TRIM37: variants seen among roughly 807,000 people sequenced by gnomAD.
The protein encoded by TRIM37 is E3 ubiquitin-protein ligase TRIM37.
Under a neutral mutation model 129.8 loss-of-function variants are expected in TRIM37, and 80 were observed. The ratio of observed to expected loss-of-function variants is 0.62; its 90% CI spans 0.51 to 0.74. TRIM37 has a LOEUF of 0.74. TRIM37 is among the 30% of genes least tolerant of loss of function. TRIM37 has a pLI of 0.00. For synonymous variants in TRIM37, 389 were observed against 387.1 expected, an observed-to-expected ratio of 1.00 and a Z score of -0.06; for missense variants, 1,054 against 1,176.5, an observed-to-expected ratio of 0.90 and a Z score of 1.52.
At chr17:58,988,347 A>G (rs537277102) in intron 24 of TRIM37, among the ~76,000 whole-genome samples, 2 of 152,246 alleles carry the variant, frequency 1.3e-5, no homozygotes, top group East Asian at 1.9e-4. Flanking sequence ...GGGCATGGGT[A>G]AAGGAACTTA....
chr17:59,021,602 C>T (rs2036610162), intron 19 of TRIM37, among the ~76,000 whole-genome samples: 2 of 151,968 alleles, frequency 1.3e-5, no homozygotes, highest in African/African-American at 4.8e-5. Context: ...CAAGATAATA[C>T]AGCAATGGTT....
In TRIM37 at chr17:59,047,763, AT is replaced by A; in HGVS notation, c.1586del (p.Asn529IlefsTer41). ...DLDLVYEDEVNQLDGSSSSAS... is the reference protein window; with the variant it reads ...DLDLVYEDEVXQLDGSSSSAS... ...CAGAGGAACTGCTGCCATCGAGCTG[AT>A]TTACTTCATCCTCATAAACAAGATC... On this transcript the variant is annotated frameshift_variant, in exon 16 of 24. Transcript: ENST00000262294. LOFTEE classifies it high-confidence loss of function. 6.2e-7 allele frequency: 1 copy of A among 1,614,042 alleles called. No individual in the cohort carries two copies. The highest frequency in any genetic ancestry group is 1.1e-5 in the South Asian group (1 of 91,080).
intron 24 of TRIM37, among the ~76,000 whole-genome samples, chr17:58,986,669 C>T (rs544853742): frequency 7.9e-5 from 12 of 152,122 alleles, no homozygotes; most frequent in East Asian, 7.8e-4. Context: ...TCGGCCACCA[C>T]GCCTGGCTTT....
At chr17:58,981,604 CAT>C (rs2031360295), downstream of TRIM37, 4 of 152,650 alleles carry the variant, frequency 2.6e-5, no homozygotes, top group South Asian at 8.3e-4. Flanking sequence ...GTAAAAGTGT[CAT>C]ATTCTCAGAC....
intron 17 of TRIM37, among the ~76,000 whole-genome samples, chr17:59,041,152 C>T (rs2039110401): frequency 6.6e-6 from 1 of 152,018 alleles, no homozygotes; most frequent in South Asian, 2.1e-4. Flanking sequence ...CCAAGATTCA[C>T]TACTTAATTA....
At chr17:59,000,759 T>C (rs1442737466) in intron 23 of TRIM37, among the ~76,000 whole-genome samples, 1 of 152,208 alleles carries the variant, frequency 6.6e-6, no homozygotes, top group African/African-American at 2.4e-5. Context: ...GTTATTTTTA[T>C]TTTAAAAGGT....
At chr17:58,980,923 G>A (rs373100347), downstream of TRIM37, 36 of 1,614,046 alleles carry the variant, frequency 2.2e-5, no homozygotes, top group Non-Finnish European at 3.1e-5. The surrounding 1 kb of genome is among the most constrained non-coding windows in gnomAD (Gnocchi z 4.7). Context: ...GAAGTTCTCT[G>A]CCATGGAGGC....
At chr17:59,070,431 T>C (rs1426658674) in intron 9 of TRIM37, among the ~76,000 whole-genome samples, 1 of 152,182 alleles carries the variant, frequency 6.6e-6, no homozygotes, top group Non-Finnish European at 1.5e-5. Context: ...CTACGGAAGA[T>C]GGAGCTCTTG....
At chr17:59,097,309 A>G (rs1438365721) in intron 2 of TRIM37, among the ~76,000 whole-genome samples, 1 of 152,220 alleles carries the variant, frequency 6.6e-6, no homozygotes, top group African/African-American at 2.4e-5. Flanking sequence ...GGCAAGATAA[A>G]GAAATAAAAA....
intron 2 of TRIM37, among the ~76,000 whole-genome samples, chr17:59,096,199 G>A (rs1037817532): frequency 8.4e-4 from 127 of 151,828 alleles, no homozygotes; most frequent in African/African-American, 2.9e-3. Context: ...AACTAAATAA[G>A]CCAGATGGTA....
rs1215883324 is a variant in TRIM37, at chr17:59,012,384, T to C, written c.2639A>G (p.Glu880Gly). ...TAGTACAGGCTGTAACTCTCCAGTT[T>C]CAGAATTATTTTCCAAATCAGTCAT... is the stretch of plus-strand genomic sequence containing the variant. ...LQMTDLENNS[E>G]TGELQPVLPE... Residue 880 changes from glutamate to glycine, a missense_variant, in exon 22 of 24, where the codon GAA (glutamate) becomes GGA (glycine). Coordinates refer to ENST00000262294, the MANE Select transcript of TRIM37 (RefSeq NM_015294.6). The C allele has an allele frequency of 2.5e-6, 4 of 1,613,142 alleles. No homozygotes were observed. The highest frequency in any genetic ancestry group is 2.7e-5 in the African/African-American group (2 of 75,040).
chr17:58,986,944 T>C (rs1719817646), intron 24 of TRIM37, among the ~76,000 whole-genome samples: 1 of 152,216 alleles, frequency 6.6e-6, no homozygotes, highest in African/African-American at 2.4e-5. Flanking sequence ...CATTCTTTTC[T>C]GAGAGCCCCA....
intron 24 of TRIM37, chr17:58,982,933 A>T: frequency 6.4e-7 from 1 of 1,574,286 alleles, no homozygotes; most frequent in Non-Finnish European, 8.6e-7. Context: ...TAAGAAAACA[A>T]GAAAACAAAG....
Position 59,101,575 on chromosome 17 carries a change from T to C in TRIM37, c.123+2718A>G, listed in dbSNP as rs938171890. Among the ~76,000 whole-genome samples the C allele has an allele frequency of 2.0e-5, 3 of 147,314 alleles. No homozygotes were observed. In the East Asian group the frequency reaches 5.9e-4, roughly 29 times the overall value. The stretch of plus-strand genomic sequence containing the variant: ...GGCTCATGCCTGTAATCCCAGCACT[T>C]TGGGAGGCCAAGGAGGGAAGATCAG... On this transcript the variant is annotated intron_variant, in intron 2 of 23. Transcript: ENST00000262294.
intron 2 of TRIM37, among the ~76,000 whole-genome samples, chr17:59,096,679 T>C (rs1489164660): frequency 6.6e-6 from 1 of 152,076 alleles, no homozygotes; most frequent in African/African-American, 2.4e-5. Flanking sequence ...CTATTTCCAA[T>C]GCCTAATCCT....
At chr17:59,075,925 T>C (rs1213680127) in intron 7 of TRIM37, among the ~76,000 whole-genome samples, 1 of 152,192 alleles carries the variant, frequency 6.6e-6, no homozygotes, top group East Asian at 1.9e-4. Flanking sequence ...TTCTAATTAG[T>C]TTTAGACAAG....
chr17:59,021,694 C>A (rs766441720), intron 19 of TRIM37, among the ~76,000 whole-genome samples: 1 of 151,912 alleles, frequency 6.6e-6, no homozygotes, highest in Non-Finnish European at 1.5e-5. Context: ...TGAATAAGAT[C>A]TAGTATTCGT....
intron 24 of TRIM37, chr17:58,985,307 A>G (rs2031695859): frequency 6.6e-6 from 1 of 152,560 alleles, no homozygotes; most frequent in Non-Finnish European, 1.5e-5. Context: ...GAACATTTAA[A>G]AAGAAGATTT....
intron 2 of TRIM37, among the ~76,000 whole-genome samples, chr17:59,092,581 A>C (rs1409851335): frequency 6.6e-6 from 1 of 152,090 alleles, no homozygotes; most frequent in Non-Finnish European, 1.5e-5. Context: ...AGGAGATGTT[A>C]AGATTTTCTG....
Sources: allele counts gnomAD v4.1 joint callset (sites outside exome capture counted in the v4.1 genomes callset), GRCh38; gene constraint gnomAD v4.1.1; non-coding constraint Gnocchi (gnomAD v3.1); transcripts MANE v1.5; gene names NCBI Gene and HGNC (gene_info 2026-07-23, HGNC 2026-07-21).